SLC44A5: variants seen among roughly 807,000 people sequenced by gnomAD.
SLC44A5 encodes choline transporter-like protein 5.
In SLC44A5, 57 loss-of-function variants were observed where a neutral mutation model predicts 101.8. The observed-to-expected ratio is 0.56, with a 90% CI of 0.45 to 0.70. The LOEUF is 0.70. Among genes scored for constraint, SLC44A5 ranks in the 30% least tolerant of loss-of-function variants. The pLI is 0.00. For missense variants in SLC44A5, 737 were observed against 853.1 expected (o/e 0.86, Z 1.70); for synonymous variants, 281 against 290.9 (o/e 0.97, Z 0.35).
intron 6 of SLC44A5, among the ~76,000 whole-genome samples, chr1:75,268,677 T>C (rs994560281): frequency 6.6e-6 from 1 of 152,186 alleles, no homozygotes; most frequent in African/African-American, 2.4e-5. Context: ...TATATGTGAA[T>C]ATAGAGTATA....
rs185746786 is a variant in SLC44A5, at chr1:75,551,486, T to A, written c.-69-9970A>T. ...GCTTTCTCTCCCACAGGGATTAAAA[T>A]GTGCTGACAAGCTGACAGGAGTATT... On this transcript the variant is annotated intron_variant, in intron 1 of 23. Coordinates refer to ENST00000370859, the MANE Select transcript of SLC44A5 (RefSeq NM_001130058.2). Among the ~76,000 whole-genome samples the A allele has an allele frequency of 7.2e-5, 11 of 152,278 alleles. No homozygotes were observed. The East Asian group carries it at 1.7e-3, about 24-fold the overall frequency.
chr1:75,230,459 C>T (rs1005448808), intron 12 of SLC44A5, among the ~76,000 whole-genome samples: 2 of 151,768 alleles, frequency 1.3e-5, no homozygotes, highest in Non-Finnish European at 2.9e-5. Context: ...CCATGTTGGC[C>T]AGGATGGTCT....
intron 1 of SLC44A5, among the ~76,000 whole-genome samples, chr1:75,565,367 T>C (rs1305469309): frequency 6.6e-6 from 1 of 152,202 alleles, no homozygotes; most frequent in Admixed American, 6.5e-5. Context: ...ATCAAGCTCT[T>C]GGTAAAACGA....
intron 4 of SLC44A5, among the ~76,000 whole-genome samples, chr1:75,303,213 G>A (rs1363298963): frequency 3.3e-5 from 5 of 152,024 alleles, no homozygotes; most frequent in South Asian, 4.1e-4. Flanking sequence ...AAGCAGAAGC[G>A]GATCCCAAAT....
intron 1 of SLC44A5, among the ~76,000 whole-genome samples, chr1:75,608,757 T>C (rs1675476411): frequency 6.6e-6 from 1 of 151,830 alleles, no homozygotes; most frequent in Non-Finnish European, 1.5e-5. Context: ...CTTCTGGAAG[T>C]CTCCTCCCCT....
the SLC44A5 span, among the ~76,000 whole-genome samples, chr1:75,629,253 T>A: frequency 0.01 from 1,552 of 152,194 alleles, 20 homozygotes; most frequent in African/African-American, 0.032. Flanking sequence ...GAAGAGAAAT[T>A]GCTACTGGGG....
chr1:75,544,165 G>A (rs1671514718), intron 1 of SLC44A5, among the ~76,000 whole-genome samples: 1 of 152,006 alleles, frequency 6.6e-6, no homozygotes, highest in Admixed American at 6.6e-5. Context: ...TGTTATCAAG[G>A]GCGTCGGTTG....
At chr1:75,638,218 T>A in the SLC44A5 span, among the ~76,000 whole-genome samples, 3 of 152,182 alleles carry the variant, frequency 2.0e-5, no homozygotes, top group East Asian at 5.8e-4. Flanking sequence ...AATAGTACGA[T>A]TAAAGCAAGT....
In SLC44A5 at chr1:75,553,957, G is replaced by T. The variant is rs1557901541; in HGVS notation, c.-69-12441C>A. Among the ~76,000 whole-genome samples, 3 of 152,194 alleles carry T rather than the reference G, an allele frequency of 2.0e-5. No individual in the cohort carries two copies. The South Asian group carries it at 6.2e-4, about 32-fold the overall frequency. On this transcript the variant is annotated intron_variant, in intron 1 of 23. Transcript: ENST00000370859. The stretch of plus-strand genomic sequence containing the variant: ...CCAGCCTGAAGCAGGGCACTGTCAG[G>T]TTGCTCCCCCATGAAACTGGGCGGC...
intron 6 of SLC44A5, among the ~76,000 whole-genome samples, chr1:75,272,089 G>A (rs1343829354): frequency 6.6e-6 from 1 of 151,986 alleles, no homozygotes; most frequent in South Asian, 2.1e-4. Context: ...TTTTTCATAT[G>A]TTTGTTGGCT....
intron 2 of SLC44A5, among the ~76,000 whole-genome samples, chr1:75,471,874 A>G: frequency 7.3e-6 from 1 of 137,100 alleles, no homozygotes; most frequent in African/African-American, 2.6e-5. Context: ...GGAACCACTA[A>G]GGCTTTTTTT....
At chr1:75,360,920 T>C (rs1026020347) in intron 3 of SLC44A5, among the ~76,000 whole-genome samples, 2 of 152,210 alleles carry the variant, frequency 1.3e-5, no homozygotes, top group African/African-American at 2.4e-5. Flanking sequence ...TTTAACAATA[T>C]TAATTCTTCC....
At chr1:75,708,257 A>G in the SLC44A5 span, among the ~76,000 whole-genome samples, 1 of 121,628 alleles carries the variant, frequency 8.2e-6, no homozygotes, top group Admixed American at 7.9e-5. Context: ...CTGAAAATAC[A>G]AAAAAAAAAA....
chr1:75,540,374 A>T (rs1671293350), intron 2 of SLC44A5, among the ~76,000 whole-genome samples: 1 of 152,202 alleles, frequency 6.6e-6, no homozygotes, highest in African/African-American at 2.4e-5. Context: ...GTCGTTCTCC[A>T]GTTTTCATAC....
At chr1:75,669,943 G>A in the SLC44A5 span, among the ~76,000 whole-genome samples, 1 of 152,058 alleles carries the variant, frequency 6.6e-6, no homozygotes, top group African/African-American at 2.4e-5. Flanking sequence ...TGAATTATTA[G>A]GGGAAAAACA....
intron 3 of SLC44A5, among the ~76,000 whole-genome samples, chr1:75,373,841 C>T (rs1660389031): frequency 6.6e-6 from 1 of 152,108 alleles, no homozygotes; most frequent in African/African-American, 2.4e-5. Flanking sequence ...GAGGACAAAA[C>T]TACTGGCCGA....
chr1:75,519,736 G>T (rs1054728335), intron 2 of SLC44A5, among the ~76,000 whole-genome samples: 4 of 152,164 alleles, frequency 2.6e-5, no homozygotes, highest in Non-Finnish European at 2.9e-5. Context: ...ATCTCCTAAA[G>T]AATATATCTT....
the SLC44A5 span, among the ~76,000 whole-genome samples, chr1:75,650,725 T>C: frequency 1.3e-5 from 2 of 152,176 alleles, no homozygotes; most frequent in Non-Finnish European, 2.9e-5. Flanking sequence ...GCTCAAGCGA[T>C]TCTCCCACCT....
At chr1:75,705,444 G>C in the SLC44A5 span, among the ~76,000 whole-genome samples, 1 of 152,116 alleles carries the variant, frequency 6.6e-6, no homozygotes, top group Non-Finnish European at 1.5e-5. Flanking sequence ...GTGGTTGATA[G>C]TTTATTCAGG....
Sources: allele counts gnomAD v4.1 joint callset (sites outside exome capture counted in the v4.1 genomes callset), GRCh38; gene constraint gnomAD v4.1.1; transcripts MANE v1.5; gene names NCBI Gene and HGNC (gene_info 2026-07-23, HGNC 2026-07-21).